UGT2B7: variants seen among roughly 807,000 people sequenced by gnomAD.
UGT2B7 encodes the protein UDP-glucuronosyltransferase 2B7.
A neutral mutation model predicts 51.9 loss-of-function variants in UGT2B7; 51 were observed. The observed-to-expected ratio is 0.98, with a 90% CI of 0.78 to 1.24. UGT2B7 has a LOEUF of 1.24. UGT2B7 is among the 50% of genes most tolerant of loss of function. The pLI is 0.00. For synonymous variants in UGT2B7, 225 were observed against 211.6 expected (o/e 1.06, Z -0.55); for missense variants, 727 against 628.4 (o/e 1.16, Z -1.68).
At chr4:69,064,076 GAAAGAA>G (rs1560499678) in intron 1 of UGT2B7, among the ~76,000 whole-genome samples, 57 of 106,348 alleles carry the variant, frequency 5.4e-4, no homozygotes, top group African/African-American at 2.7e-3. Flanking sequence ...AAGAAAGAAA[GAAAGAA>G]AGAAAGAAAG....
intron 4 of UGT2B7, among the ~76,000 whole-genome samples, chr4:69,107,471 G>A (rs1439356313): frequency 3.3e-5 from 5 of 152,036 alleles, no homozygotes; most frequent in South Asian, 2.1e-4. Context: ...AGTCTGAATC[G>A]GGGGAATCTT....
chr4:69,089,807 T>G (rs1290095927), intron 2 of UGT2B7, among the ~76,000 whole-genome samples: 1 of 152,232 alleles, frequency 6.6e-6, no homozygotes, highest in Non-Finnish European at 1.5e-5. Context: ...GAAATACTTC[T>G]CTTTGTTGTC....
At chr4:69,054,091 G>A (rs2109857415) in intron 1 of UGT2B7, among the ~76,000 whole-genome samples, 1 of 152,050 alleles carries the variant, frequency 6.6e-6, no homozygotes, top group South Asian at 2.1e-4. Flanking sequence ...GAATAAAAAT[G>A]TAGATTAGAT....
chr4:69,107,979 T>G (rs1372665607), intron 4 of UGT2B7, 124 bp from the exon 5 acceptor site: 7 of 1,296,446 alleles, frequency 5.4e-6, no homozygotes, highest in Middle Eastern at 2.5e-4. Context: ...TCCTCCGAAG[T>G]CTGAAACACA....
chr4:69,098,803 G>T (rs7441750), intron 2 of UGT2B7, 115 bp downstream of exon 2: 2 of 1,534,282 alleles, frequency 1.3e-6, no homozygotes, highest in Non-Finnish European at 1.8e-6. Flanking sequence ...GGAAATGGGT[G>T]GGGTAAAGCA....
intron 5 of UGT2B7, among the ~76,000 whole-genome samples, chr4:69,110,998 T>C (rs888954069): frequency 2.6e-5 from 4 of 152,130 alleles, no homozygotes; most frequent in African/African-American, 9.7e-5. Context: ...GGTTCCATCA[T>C]AATGTGGCCA....
intron 5 of UGT2B7, among the ~76,000 whole-genome samples, chr4:69,109,264 T>C (rs1198778488): frequency 6.6e-6 from 1 of 152,188 alleles, no homozygotes; most frequent in East Asian, 1.9e-4. Context: ...ATACTATAAG[T>C]GGAATTGCTG....
At chr4:69,083,331 G>A (rs555467235) in intron 1 of UGT2B7, among the ~76,000 whole-genome samples, 125 of 152,138 alleles carry the variant, frequency 8.2e-4, no homozygotes, top group African/African-American at 2.8e-3. Flanking sequence ...TAATGCTATT[G>A]TTGTCTTAGA....
At chr4:69,052,645 C>T (rs61174505) in intron 1 of UGT2B7, among the ~76,000 whole-genome samples, 25,514 of 97,176 alleles carry the variant, frequency 0.26, 2,325 homozygotes, top group East Asian at 0.48. Context: ...AATTCTTGTT[C>T]TGAAATAAAT....
At position 69,098,552 on chromosome 4, in the gene UGT2B7, C is replaced by G. The variant is rs747978707; in HGVS notation, c.734C>G (p.Thr245Arg). ...FYSEVLGRPT[T>R]LSETMGKADV... ...CTATTCCTGTCAGGAAGACCCACTA[C>G]ATTATCTGAGACAATGGGGAAAGCT... Residue 245 changes from threonine to arginine, a missense_variant, in exon 2 of 6, where the codon ACA (threonine) becomes AGA (arginine). Coordinates refer to ENST00000305231, the MANE Select transcript of UGT2B7 (RefSeq NM_001074.4). 3 of 1,604,886 alleles carry G rather than the reference C, an allele frequency of 1.9e-6. No homozygotes were observed. The South Asian group carries it at 3.4e-5, about 18-fold the overall frequency.
intron 1 of UGT2B7, among the ~76,000 whole-genome samples, chr4:69,081,385 T>C (rs1718834220): frequency 6.6e-6 from 1 of 152,172 alleles, no homozygotes; most frequent in East Asian, 1.9e-4. Flanking sequence ...TACACTCTTC[T>C]GTTTACTTGC....
In UGT2B7 at chr4:69,112,851, A is replaced by AG. The variant is rs1719825655; in HGVS notation, c.*115_*116insG. On this transcript the variant is annotated 3_prime_UTR_variant, in exon 6 of 6. Transcript: ENST00000305231. Reference sequence around the variant, plus strand: ...CTTCCTGAGACAAAAAAAAAAAAAGAAAAAAAAATCTTTTCAAAATTTACT... The same window carrying AG: ...CTTCCTGAGACAAAAAAAAAAAAAGAGAAAAAAAATCTTTTCAAAATTTACT... The AG allele has an allele frequency of 3.2e-6, 4 of 1,266,138 alleles. No individual in the cohort carries two copies. The highest frequency in any genetic ancestry group is 3.3e-5 in the Admixed American group (1 of 30,574). 78.4% of individuals were successfully genotyped at this position (1,266,138 alleles called of 1,614,324 possible). A position where few individuals can be genotyped will look rare whatever the true frequency, so the allele number is the denominator to read the frequency against.
intron 2 of UGT2B7, among the ~76,000 whole-genome samples, chr4:69,102,592 A>G (rs1413584552): frequency 6.6e-6 from 1 of 152,116 alleles, no homozygotes; most frequent in Non-Finnish European, 1.5e-5. Context: ...ACATACACAC[A>G]TATTTACACA....
intron 1 of UGT2B7, among the ~76,000 whole-genome samples, chr4:69,064,065 A>AAAGAAAGAAAGAAAGG (rs1718422281): frequency 1.8e-5 from 2 of 109,712 alleles, no homozygotes; most frequent in East Asian, 2.8e-4. Context: ...AGAAAGAAAG[A>AAAGAAAGAAAGAAAGG]AAGAAAGAAA....
At chr4:69,085,962 C>T (rs1001657056) in intron 1 of UGT2B7, among the ~76,000 whole-genome samples, 6 of 151,286 alleles carry the variant, frequency 4.0e-5, no homozygotes, top group Non-Finnish European at 7.4e-5. Flanking sequence ...TTCAATAAAC[C>T]GTTTTGTCTT....
intron 1 of UGT2B7, among the ~76,000 whole-genome samples, chr4:69,073,130 T>C (rs1470205656): frequency 6.6e-6 from 1 of 152,072 alleles, no homozygotes; most frequent in African/African-American, 2.4e-5. Flanking sequence ...TAGCTCAGAC[T>C]TGGTTAGAGG....
At chr4:69,057,117 C>A (rs1288467106) in intron 1 of UGT2B7, among the ~76,000 whole-genome samples, 1 of 152,180 alleles carries the variant, frequency 6.6e-6, no homozygotes, top group Non-Finnish European at 1.5e-5. Flanking sequence ...CTCTGACCAC[C>A]AGTGCGTGCA....
At chr4:69,082,633 T>C (rs1310376122) in intron 1 of UGT2B7, among the ~76,000 whole-genome samples, 1 of 151,712 alleles carries the variant, frequency 6.6e-6, no homozygotes, top group Admixed American at 6.6e-5. Context: ...AAGAGAAAAA[T>C]GTGGAAAGCT....
intron 3 of UGT2B7, among the ~76,000 whole-genome samples, chr4:69,105,078 A>C: frequency 6.6e-6 from 1 of 152,100 alleles, no homozygotes; most frequent in East Asian, 1.9e-4. Context: ...AGGAAGATGA[A>C]AGGGTGGAGA....
Sources: gnomAD v4.1 joint callset for allele counts (sites outside exome capture counted in the v4.1 genomes callset) on GRCh38, gnomAD v4.1.1 for gene constraint, MANE v1.5 for transcripts, NCBI Gene and HGNC (gene_info 2026-07-23, HGNC 2026-07-21) for gene names.